SPINT1: variants seen among roughly 807,000 people sequenced by gnomAD.
SPINT1 encodes serine peptidase inhibitor, Kunitz type 1, also known as kunitz-type protease inhibitor 1.
Under a neutral mutation model 53.7 loss-of-function variants are expected in SPINT1, and 38 were observed. The observed-to-expected ratio is 0.71, with a 90% confidence interval of 0.55 to 0.93. The LOEUF (loss-of-function observed/expected upper bound fraction) is 0.93, where lower values mean the gene tolerates loss of function less well. Ranked by LOEUF, SPINT1 falls within the 40% of genes least tolerant of loss-of-function variation. The probability of loss-of-function intolerance (pLI) is 0.00; values close to 1 mark genes in which losing one functional copy is unlikely to be tolerated. For synonymous variants in SPINT1, 283 were observed against 280.6 expected (o/e 1.01, Z -0.08); for missense variants, 645 against 692.9 (o/e 0.93, Z 0.78).
At chr15:40,848,771 G>A (rs1891366717) in intron 2 of SPINT1, among the ~76,000 whole-genome samples, 1 of 152,082 alleles carries the variant, frequency 6.6e-6, no homozygotes, top group African/African-American at 2.4e-5. Flanking sequence ...ACAAGATGAA[G>A]AACTCAAATG....
At chr15:40,848,425 T>TG (rs1891356508) in intron 2 of SPINT1, among the ~76,000 whole-genome samples, 1 of 152,242 alleles carries the variant, frequency 6.6e-6, no homozygotes, top group South Asian at 2.1e-4. Context: ...ATCTTGCAGC[T>TG]GTACCTACAC....
rs545141233 is a variant in SPINT1 at position 40,856,309 on chromosome 15, C to G, written c.1322C>G (p.Pro441Arg). ...KDVFGLRREI[P>R]IPSTGSVEMA... is the part of the protein sequence containing the mutation. ...GTGTTTGGCCTGAGGCGGGAAATCC[C>G]CATTCCCAGCACAGGTAAGCCCTGA... The change falls in exon 10 of 11, where the codon CCC becomes CGC. Residue 441 changes from proline to arginine, a missense_variant. Transcript: ENST00000562057. 4.3e-6 allele frequency: 7 copies of G among 1,614,146 alleles called. No homozygotes were observed. The highest frequency in any genetic ancestry group is 5.1e-6 in the Non-Finnish European group (6 of 1,180,026).
Position 40,845,003 on chromosome 15 carries a change from G to T in SPINT1, c.449G>T (p.Arg150Leu), listed in dbSNP as rs913937036. 1 of 1,610,822 alleles carries T rather than the reference G, an allele frequency of 6.2e-7. No homozygotes were observed. Among genetic ancestry groups the T allele is most frequent in the African/African-American group, 1.3e-5 (1 of 74,910 alleles). Residue 150 changes from arginine (R) to leucine (L), a missense_variant, in exon 2 of 11, where the codon CGC becomes CTC. Physicochemically the swap from Arg to Leu is moderately radical, Grantham distance 102. Transcript: ENST00000562057. ...ACGAGGGAAGTGTACCGCTCCTACCGCCAGCTGCGGACCCAGGGCTTTGGA... is the reference window on the plus strand; with the variant it reads ...ACGAGGGAAGTGTACCGCTCCTACCTCCAGCTGCGGACCCAGGGCTTTGGA... The part of the protein sequence containing the change: ...YLTREVYRSY[R>L]QLRTQGFGGS...
Position 40,856,992 on chromosome 15 carries a change from C to T in SPINT1, c.*17C>T. 6.2e-7 allele frequency: 1 copy of T among 1,612,196 alleles called. No homozygotes were observed. Among genetic ancestry groups the T allele is most frequent in the Non-Finnish European group, 8.5e-7 (1 of 1,178,526 alleles). Reference sequence around the variant, plus strand: ...CCCCTCTGAGCCTGGGTCTCACCGGCTCTCACCTGGCCCTGCTTCCTGCTT... The same window carrying T: ...CCCCTCTGAGCCTGGGTCTCACCGGTTCTCACCTGGCCCTGCTTCCTGCTT... On this transcript the variant is annotated 3_prime_UTR_variant, in exon 11 of 11. Transcript: ENST00000562057.
rs535555037 is a variant in SPINT1, at chr15:40,854,240, C to G, written c.940+154C>G. 1.3e-3 allele frequency: 1,748 copies of G among 1,363,306 alleles called. 11 individuals are homozygous for G. The highest frequency in any genetic ancestry group is 7.4e-4 in the Non-Finnish European group (745 of 1,007,182). The allele number at this position is 1,363,306 out of a possible 1,614,324, so 84.5% of individuals were successfully genotyped here. A position where few individuals can be genotyped will look rare whatever the true frequency, so the allele number is the denominator to read the frequency against. ...CATCCCACCCCTTCCAGCCCAGCAT[C>G]GTCCTATGAGGATCTGCCCAGTTTG... is the stretch of plus-strand genomic sequence containing the variant. On this transcript the variant is annotated intron_variant, in intron 6 of 10. Coordinates refer to ENST00000562057, the MANE Select transcript of SPINT1 (RefSeq NM_003710.4).
At chr15:40,856,684 T>A in intron 10 of SPINT1, 86 bp from the exon 11 acceptor site, 2 of 1,580,800 alleles carry the variant, frequency 1.3e-6, no homozygotes, top group Non-Finnish European at 1.7e-6. Context: ...GGCATCCATT[T>A]GACTTGGTCT....
At position 40,844,820 on chromosome 15, in the gene SPINT1, G is replaced by C. The variant is rs145578767; in HGVS notation, c.266G>C (p.Arg89Pro). The C allele has an allele frequency of 9.3e-6, 15 of 1,613,464 alleles. No individual in the cohort carries two copies. The highest frequency in any genetic ancestry group is 1.3e-5 in the Non-Finnish European group (15 of 1,179,890). Reference sequence around the variant, plus strand: ...GTGCGCCGGGGCTGGGACTGCGTGCGCGCCTGCTGCACCACCCAGAACTGC... The same window carrying C: ...GTGCGCCGGGGCTGGGACTGCGTGCCCGCCTGCTGCACCACCCAGAACTGC... ...PTVRRGWDCV[R>P]ACCTTQNCNL... The change falls in exon 2 of 11, where the codon CGC becomes CCC. Residue 89 changes from arginine (R) to proline (P), a missense_variant. Physicochemically the swap from Arg to Pro is moderately radical, Grantham distance 103 (BLOSUM62 -2). Coordinates refer to ENST00000562057, the MANE Select transcript of SPINT1 (RefSeq NM_003710.4). The surrounding 1 kb of genome is among the most constrained non-coding windows in gnomAD (Gnocchi z 5.8).
intron 10 of SPINT1, 38 bp downstream of exon 10, chr15:40,856,361 T>C: frequency 6.2e-7 from 1 of 1,613,260 alleles, no homozygotes; most frequent in East Asian, 2.2e-5. Context: ...GGTTAGCATG[T>C]AGGTATCAAC....
chr15:40,847,979 C>T (rs1566853348), intron 2 of SPINT1, among the ~76,000 whole-genome samples: 2 of 152,140 alleles, frequency 1.3e-5, no homozygotes, highest in South Asian at 4.1e-4. Flanking sequence ...GTTTGTCAGC[C>T]AAGCCCCTGG....
rs1566851407 is a variant in SPINT1, at chr15:40,844,741, C to G, written c.187C>G (p.Leu63Val). 6.2e-7 allele frequency: 1 copy of G among 1,610,092 alleles called. No individual in the cohort carries two copies. Among genetic ancestry groups the G allele is most frequent in the Admixed American group, 1.7e-5 (1 of 59,746 alleles). ...TACCGCCGGGGTGCCTGGCTTCGTG[C>G]TGGACACCAACGCCTCGGTCAGCAA... ...SFTAGVPGFV[L>V]DTNASVSNGA... is the part of the protein sequence containing the mutation. Residue 63 changes from leucine (L) to valine (V), a missense_variant, in exon 2 of 11, where the codon CTG (leucine) becomes GTG (valine). Physicochemically the swap from Leu to Val is conservative, Grantham distance 32. Coordinates refer to ENST00000562057, the MANE Select transcript of SPINT1 (RefSeq NM_003710.4). The surrounding 1 kb of genome is among the most constrained non-coding windows in gnomAD (Gnocchi z 5.8).
intron 2 of SPINT1, among the ~76,000 whole-genome samples, chr15:40,852,552 T>C (rs778700082): frequency 1.7e-4 from 26 of 152,022 alleles, no homozygotes; most frequent in Non-Finnish European, 3.2e-4. Context: ...GGACCCCTTG[T>C]AACTGGAGGC....
intron 9 of SPINT1, 81 bp downstream of exon 9, chr15:40,856,143 A>C (rs972472158): frequency 3.8e-6 from 6 of 1,593,676 alleles, no homozygotes; most frequent in Non-Finnish European, 5.1e-6. Context: ...GGCCTTTGGG[A>C]GTCACCCCTC....
intron 8 of SPINT1, among the ~76,000 whole-genome samples, chr15:40,855,303 C>G (rs1169116448): frequency 6.6e-6 from 1 of 152,214 alleles, no homozygotes; most frequent in African/African-American, 2.4e-5. Flanking sequence ...ATCACTTGAA[C>G]CTGGGAGGTA....
chr15:40,850,646 C>T (rs1379051384), intron 2 of SPINT1, among the ~76,000 whole-genome samples: 4 of 152,342 alleles, frequency 2.6e-5, no homozygotes, highest in Admixed American at 2.6e-4. Context: ...GCTTTTCCTT[C>T]CCAGTTCCCA....
chr15:40,853,788 A>T lies in SPINT1; in HGVS notation c.820A>T (p.Ile274Phe). ...CTGGTACTATGACCCCACGGAGCAG[A>T]TCTGCAAGAGTTTCGTTTATGGAGG... ...PRWYYDPTEQ[I>F]CKSFVYGGCL... The change falls in exon 5 of 11, where the codon ATC becomes TTC. Residue 274 changes from isoleucine (I) to phenylalanine (F), a missense_variant. Transcript: ENST00000562057. 1.2e-6 allele frequency: 2 copies of T among 1,614,218 alleles called. No individual in the cohort carries two copies. Among genetic ancestry groups the T allele is most frequent in the Non-Finnish European group, 1.7e-6 (2 of 1,180,024 alleles).
In SPINT1 at chr15:40,857,329, C is replaced by G. The variant is rs1291379010; in HGVS notation, c.*354C>G. The stretch of plus-strand genomic sequence containing the variant: ...TGGTGTCAGACCCTGGAGGCCCCAA[C>G]CCTGTCCTCCCGAGCTCCTCTTCCA... On this transcript the variant is annotated 3_prime_UTR_variant, in exon 11 of 11. Coordinates refer to ENST00000562057, the MANE Select transcript of SPINT1 (RefSeq NM_003710.4). 3.5e-6 allele frequency: 1 copy of G among 282,106 alleles called. No individual in the cohort carries two copies. The highest frequency in any genetic ancestry group is 6.4e-5 in the South Asian group (1 of 15,662). The allele number at this position is 282,106 out of a possible 1,614,324, so 17.5% of individuals were successfully genotyped here. A position where few individuals can be genotyped will look rare whatever the true frequency, so the allele number is the denominator to read the frequency against.
intron 2 of SPINT1, among the ~76,000 whole-genome samples, chr15:40,847,812 A>C (rs554862260): frequency 2.0e-5 from 3 of 152,124 alleles, no homozygotes; most frequent in African/African-American, 7.2e-5. Context: ...ATCACTCTGC[A>C]TGCTACTTCC....
At chr15:40,849,333 A>G (rs985133370) in intron 2 of SPINT1, among the ~76,000 whole-genome samples, 4 of 152,136 alleles carry the variant, frequency 2.6e-5, no homozygotes, top group Non-Finnish European at 5.9e-5. Context: ...TGCAGCCTCA[A>G]CCTCACAGGC....
At chr15:40,854,752 C>A in intron 8 of SPINT1, 63 bp downstream of exon 8, 1 of 1,603,574 alleles carries the variant, frequency 6.2e-7, no homozygotes. Context: ...CTCACTATTT[C>A]CATCCAGCAG....
Sources: allele counts gnomAD v4.1 joint callset (sites outside exome capture counted in the v4.1 genomes callset), GRCh38; gene constraint gnomAD v4.1.1; non-coding constraint Gnocchi (gnomAD v3.1); transcripts MANE v1.5; gene names NCBI Gene and HGNC (gene_info 2026-07-23, HGNC 2026-07-21).